NDUFS7: variants seen among roughly 807,000 people sequenced by gnomAD.
The protein encoded by NDUFS7 is NADH dehydrogenase [ubiquinone] iron-sulfur protein 7, mitochondrial.
NDUFS7 carries 11 observed loss-of-function variants against 31.1 expected under a neutral mutation model. The observed-to-expected ratio is 0.35, with a 90% CI of 0.22 to 0.59. The LOEUF (loss-of-function observed/expected upper bound fraction) is 0.59. Ranked by LOEUF, NDUFS7 falls within the 20% of genes least tolerant of loss-of-function variation. NDUFS7 has a pLI of 0.79. For synonymous variants in NDUFS7, 136 were observed against 127.9 expected (o/e 1.06, Z -0.43); for missense variants, 263 against 324.2 (o/e 0.81, Z 1.45).
chr19:1,385,910 G>A (rs1600144697), intron 1 of NDUFS7, among the ~76,000 whole-genome samples: 1 of 152,174 alleles, frequency 6.6e-6, no homozygotes, highest in Admixed American at 6.5e-5. Context: ...CCTCTGCTAG[G>A]AGCTCATCCA....
chr19:1,387,933 G>GGGCCC, intron 2 of NDUFS7, 86 bp downstream of exon 2: 2 of 385,714 alleles, frequency 5.2e-6, no homozygotes, highest in Non-Finnish European at 1.0e-5. Context: ...GGGGTGGGGG[G>GGGCCC]AGCGCCTTGT....
chr19:1,387,396 G>A lies in NDUFS7; in HGVS notation c.17-415G>A, dbSNP rs1156844144. On this transcript the variant is annotated intron_variant, in intron 1 of 7. Transcript: ENST00000233627. ...GGTCCTGGTGTAGGCGGGACGCCCC[G>A]GGTATCTGAACTGAAACCTGCCTCA... Among the ~76,000 whole-genome samples, 5 of 152,236 alleles carry A rather than the reference G, an allele frequency of 3.3e-5. No homozygotes were observed. The East Asian group carries it at 5.8e-4, about 18-fold the overall frequency.
At position 1,391,106 on chromosome 19, in the gene NDUFS7, G is replaced by T. The variant is rs769558715; in HGVS notation, c.409-13G>T. The T allele has an allele frequency of 1.2e-6, 2 of 1,612,442 alleles. No homozygotes were observed. The highest frequency in any genetic ancestry group is 2.7e-5 in the African/African-American group (2 of 74,870). On this transcript the variant is annotated splice_polypyrimidine_tract_variant and intron_variant, in intron 5 of 7. Transcript: ENST00000233627. ...CCAGAGTGAGCTGCGCACGGACCCC[G>T]CCTCTCTTCCAGGTCTACGACCAGA...
At chr19:1,385,564 A>G (rs2082502308) in intron 1 of NDUFS7, among the ~76,000 whole-genome samples, 1 of 151,812 alleles carries the variant, frequency 6.6e-6, no homozygotes, top group Non-Finnish European at 1.5e-5. Context: ...CAGGCCTGTA[A>G]TCCCAGCACT....
In NDUFS7 at chr19:1,393,190, G is replaced by A. The variant is rs377675764; in HGVS notation, c.456-52G>A. ...GATGGGGCGAGGCCTCGTGGAGGGA[G>A]GGTGGGCAGGCGGGTCTTCGGCACA... On this transcript the variant is annotated intron_variant, in intron 6 of 7. Transcript: ENST00000233627. The surrounding 1 kb of genome is among the most constrained non-coding windows in gnomAD (Gnocchi z 7.3). 1,815 of 1,456,330 alleles carry A rather than the reference G, an allele frequency of 1.2e-3. 1 individual carries two copies. The highest frequency in any genetic ancestry group is 1.5e-3 in the Non-Finnish European group (1,587 of 1,067,642). The allele number at this position is 1,456,330 out of a possible 1,614,324, so 90.2% of individuals were successfully genotyped here.
intron 4 of NDUFS7, chr19:1,389,568 CTCTT>C (rs747808582): frequency 6.6e-6 from 3 of 453,846 alleles, no homozygotes; most frequent in African/African-American, 4.0e-5. Context: ...CCTCTTGTTT[CTCTT>C]TTAAGGTGAA....
rs919687560 is a variant in NDUFS7 at position 1,390,993 on chromosome 19, C to T, written c.351C>T (p.Ser117=). 7.4e-6 allele frequency: 12 copies of T among 1,613,086 alleles called. No individual in the cohort carries two copies. Among genetic ancestry groups the T allele is most frequent in the South Asian group, 3.3e-5 (3 of 91,074 alleles). The change falls in exon 5 of 8, where the codon TCC becomes TCT. Residue 117 remains serine (S), a synonymous_variant. Coordinates refer to ENST00000233627, the MANE Select transcript of NDUFS7 (RefSeq NM_024407.5). ...GVVFRASPRQ[S]DVMIVAGTLT... ...TCTTCCGCGCCAGCCCGCGCCAGTC[C>T]GACGTCATGATCGTGGCCGGCACAC...
In NDUFS7 at chr19:1,393,579, GGTTTACAGCA is replaced by G; in HGVS notation, c.544+254_544+263del. 1 of 635,442 alleles carries G rather than the reference GGTTTACAGCA, an allele frequency of 1.6e-6. No individual in the cohort carries two copies. The highest frequency in any genetic ancestry group is 2.9e-6 in the Non-Finnish European group (1 of 349,912). The allele number at this position is 635,442 out of a possible 1,614,324, so 39.4% of individuals were successfully genotyped here. ...TGAGTGGAATTCCTGACACACGCCT[GGTTTACAGCA>G]GTTTCATATGGTCCTACCTGGCACA... On this transcript the variant is annotated intron_variant, in intron 7 of 7. Coordinates refer to ENST00000233627, the MANE Select transcript of NDUFS7 (RefSeq NM_024407.5). This position sits in a 1 kb window ranked among gnomAD's most constrained non-coding sequence, Gnocchi z 7.3.
At chr19:1,395,218 G>A (rs935434227) in intron 7 of NDUFS7, 173 bp from the exon 8 acceptor site, 3 of 1,430,214 alleles carry the variant, frequency 2.1e-6, no homozygotes, top group Admixed American at 5.6e-5. Flanking sequence ...CTTCCTGCAG[G>A]GACCTCCCCT....
rs907902871 is a variant in NDUFS7, at chr19:1,393,113, G to T, written c.456-129G>T. The stretch of plus-strand genomic sequence containing the variant: ...GTGCGTGTTTGCTCATTGCTTCTCC[G>T]TGACAAGTTCCAGCCTCGTAGGTGC... On this transcript the variant is annotated intron_variant, in intron 6 of 7. Coordinates refer to ENST00000233627, the MANE Select transcript of NDUFS7 (RefSeq NM_024407.5). The surrounding 1 kb of genome is among the most constrained non-coding windows in gnomAD (Gnocchi z 7.3). 1.4e-6 allele frequency: 1 copy of T among 728,444 alleles called. No individual in the cohort carries two copies. The highest frequency in any genetic ancestry group is 2.4e-6 in the Non-Finnish European group (1 of 420,910). 45.1% of individuals were successfully genotyped at this position (728,444 alleles called of 1,614,324 possible).
At chr19:1,390,587 C>T (rs1435599676) in intron 4 of NDUFS7, 2 of 559,540 alleles carry the variant, frequency 3.6e-6, no homozygotes, top group African/African-American at 3.8e-5. Context: ...CTGGAGCCCC[C>T]TGTTGAAATG....
rs2082506124 is a variant in NDUFS7, at chr19:1,386,159, A to T, written c.17-1652A>T. Among the ~76,000 whole-genome samples, 5 of 152,292 alleles carry T rather than the reference A, an allele frequency of 3.3e-5. No individual in the cohort carries two copies. The South Asian group carries it at 1.0e-3, about 32-fold the overall frequency. The stretch of plus-strand genomic sequence containing the variant: ...TCAGAGGCAGGAGAAGGCCCCATGG[A>T]TCGCTGCATTCAGGGGCATCAAACC... On this transcript the variant is annotated intron_variant, in intron 1 of 7. Coordinates refer to ENST00000233627, the MANE Select transcript of NDUFS7 (RefSeq NM_024407.5).
At position 1,387,921 on chromosome 19, in the gene NDUFS7, GGGGGGTGGGGGGA is replaced by G. The variant is rs1159693632; in HGVS notation, c.53+76_53+88del. On this transcript the variant is annotated intron_variant, in intron 2 of 7. Transcript: ENST00000233627. ...GACAGACGAACGGGGCGGGGGGGGTGGGGGGTGGGGGGAGCGCCTTGTTGAAGGTCACGTGTCA... is the reference window on the plus strand; with the variant it reads ...GACAGACGAACGGGGCGGGGGGGGTGGCGCCTTGTTGAAGGTCACGTGTCA... The G allele has an allele frequency of 4.3e-5, 14 of 328,088 alleles. 4 individuals carry two copies. Among genetic ancestry groups the G allele is most frequent in the African/African-American group, 1.0e-4 (2 of 19,568 alleles). The allele number at this position is 328,088 out of a possible 1,614,324, so 20.3% of individuals were successfully genotyped here.
chr19:1,384,292 C>T (rs2082493587), intron 1 of NDUFS7: 3 of 359,712 alleles, frequency 8.3e-6, no homozygotes, highest in Non-Finnish European at 1.5e-5. Flanking sequence ...CGGGGCCTGC[C>T]TGACAGGCTG....
chr19:1,385,242 C>A (rs888620151), intron 1 of NDUFS7, among the ~76,000 whole-genome samples: 3 of 152,166 alleles, frequency 2.0e-5, no homozygotes, highest in African/African-American at 7.2e-5. Flanking sequence ...GGCCCACGCG[C>A]GGTGGCTCAC....
Position 1,391,022 on chromosome 19 carries a change from CCAA to C in NDUFS7, c.384_386del (p.Asn128del). 1.2e-6 allele frequency: 2 copies of C among 1,613,092 alleles called. No homozygotes were observed. The highest frequency in any genetic ancestry group is 1.7e-6 in the Non-Finnish European group (2 of 1,179,744). On this transcript the variant is annotated inframe_deletion, in exon 5 of 8. Transcript: ENST00000233627. ...GTCATGATCGTGGCCGGCACACTCA[CCAA>C]CAAGATGGCCCCAGCGCTTCGCAAG... is the stretch of plus-strand genomic sequence containing the variant.
At position 1,393,466 on chromosome 19, in the gene NDUFS7, G is replaced by A. The variant is rs1048254053; in HGVS notation, c.544+136G>A. 39 of 739,764 alleles carry A rather than the reference G, an allele frequency of 5.3e-5. No homozygotes were observed. The highest frequency in any genetic ancestry group is 1.3e-4 in the South Asian group (9 of 68,198). The allele number at this position is 739,764 out of a possible 1,614,324, so 45.8% of individuals were successfully genotyped here. On this transcript the variant is annotated intron_variant, in intron 7 of 7. Transcript: ENST00000233627. The surrounding 1 kb of genome is among the most constrained non-coding windows in gnomAD (Gnocchi z 7.3). ...CCCCATCCTATGGATGGGCCGACTC[G>A]GAGCGCTGCCTCTTAGTGGAGCCTG...
At position 1,393,226 on chromosome 19, in the gene NDUFS7, G is replaced by T; in HGVS notation, c.456-16G>T. 1 of 1,549,594 alleles carries T rather than the reference G, an allele frequency of 6.5e-7. No individual in the cohort carries two copies. Among genetic ancestry groups the T allele is most frequent in the Non-Finnish European group, 8.7e-7 (1 of 1,147,462 alleles). ...CGGGTCTTCGGCACACTCCCCTCAC[G>T]GTGCCTCCCCAACAGCTGCGCCAAC... On this transcript the variant is annotated splice_polypyrimidine_tract_variant and intron_variant, in intron 6 of 7. Transcript: ENST00000233627. The surrounding 1 kb of genome is among the most constrained non-coding windows in gnomAD (Gnocchi z 7.3).
rs1190446340 is a variant in NDUFS7 at position 1,390,803 on chromosome 19, C to A, written c.229-68C>A. On this transcript the variant is annotated intron_variant, in intron 4 of 7. Transcript: ENST00000233627. The stretch of plus-strand genomic sequence containing the variant: ...TGAGTCGGGGGTTCTGGGTGCTCCA[C>A]GTGGAGTCTCACGCTGGGCCACGCG... 13 of 1,539,858 alleles carry A rather than the reference C, an allele frequency of 8.4e-6. No individual in the cohort carries two copies. The South Asian group carries it at 1.3e-4, about 15-fold the overall frequency.
Sources: allele counts gnomAD v4.1 joint callset (sites outside exome capture counted in the v4.1 genomes callset), GRCh38; gene constraint gnomAD v4.1.1; non-coding constraint Gnocchi (gnomAD v3.1); transcripts MANE v1.5; gene names NCBI Gene and HGNC (gene_info 2026-07-23, HGNC 2026-07-21).